CDC16: variants seen among roughly 807,000 people sequenced by gnomAD.
CDC16 encodes cell division cycle 16, also known as cell division cycle protein 16 homolog.
Under a neutral mutation model 87.0 loss-of-function variants are expected in CDC16, and 34 were observed. The ratio of observed to expected loss-of-function variants is 0.39; its 90% CI spans 0.30 to 0.52. CDC16 has a LOEUF of 0.52. CDC16 is among the 20% of genes least tolerant of loss of function. The pLI is 0.74. For missense variants in CDC16, 653 were observed against 751.9 expected (o/e 0.87, Z 1.54); for synonymous variants, 263 against 260.6 (o/e 1.01, Z -0.09).
intron 17 of CDC16, among the ~76,000 whole-genome samples, chr13:114,270,636 T>C (rs1474309437): frequency 6.6e-6 from 1 of 152,222 alleles, no homozygotes; most frequent in African/African-American, 2.4e-5. Flanking sequence ...CTGGGATGCA[T>C]GTACATAGGG....
At chr13:114,243,712 A>G in intron 7 of CDC16, 144 bp from the exon 8 acceptor site, 2 of 618,506 alleles carry the variant, frequency 3.2e-6, no homozygotes, top group East Asian at 2.9e-5. Context: ...AGGAGTACTT[A>G]TAAAACCTAA....
rs747051506 is a variant in CDC16, at chr13:114,242,156, C to A, written c.417C>A (p.Ile139=). The A allele has an allele frequency of 6.2e-7, 1 of 1,612,342 alleles. No individual in the cohort carries two copies. The highest frequency in any genetic ancestry group is 2.2e-5 in the East Asian group (1 of 44,876). Residue 139 remains isoleucine, a synonymous_variant, in exon 6 of 18, where the codon ATC becomes ATA. Coordinates refer to ENST00000356221, the MANE Select transcript of CDC16 (RefSeq NM_001078645.3). Reference sequence around the variant, plus strand: ...CTATCTGTCTTCTACGCGGGAAAATCTATGATGCTCTAGATAACCGAACCC... The same window carrying A: ...CTATCTGTCTTCTACGCGGGAAAATATATGATGCTCTAGATAACCGAACCC... ...KSSICLLRGK[I]YDALDNRTLA...
At chr13:114,246,161 A>C in intron 10 of CDC16, 112 bp downstream of exon 10, 1 of 550,650 alleles carries the variant, frequency 1.8e-6, no homozygotes, top group South Asian at 2.5e-5. Flanking sequence ...TGTTTTATTA[A>C]AGTGTTGCAA....
intron 17 of CDC16, 89 bp downstream of exon 17, chr13:114,265,329 G>A: frequency 1.2e-6 from 1 of 835,670 alleles, no homozygotes; most frequent in Non-Finnish European, 2.0e-6. Context: ...TCTCGTCTGA[G>A]GTTCCAAGTT....
intron 15 of CDC16, among the ~76,000 whole-genome samples, chr13:114,262,269 C>T (rs1421325383): frequency 6.6e-6 from 1 of 152,056 alleles, no homozygotes; most frequent in Non-Finnish European, 1.5e-5. Context: ...GATAAACAGG[C>T]GACAGTTGAA....
intron 5 of CDC16, 144 bp from the exon 6 acceptor site, chr13:114,241,977 A>G: frequency 4.8e-6 from 4 of 840,864 alleles, no homozygotes. Flanking sequence ...TTGAGATCAT[A>G]GGAGTTCAAG....
intron 11 of CDC16, among the ~76,000 whole-genome samples, chr13:114,248,234 C>T (rs2081973857): frequency 1.3e-5 from 2 of 152,198 alleles, no homozygotes; most frequent in South Asian, 2.1e-4. Flanking sequence ...GTTCTAATTT[C>T]TGTGGTTTCT....
intron 17 of CDC16, among the ~76,000 whole-genome samples, chr13:114,267,342 C>CAA (rs112712900): frequency 1.5e-4 from 22 of 150,448 alleles, no homozygotes; most frequent in African/African-American, 2.9e-4. Flanking sequence ...CAAAACAATA[C>CAA]AAAAAAAAAC....
In CDC16 at chr13:114,238,515, T is replaced by G. The variant is rs1350021738; in HGVS notation, c.202-475T>G. ...AGGGCCTGAAGTGGAGCTGCTGCGATCTCCTCGGACGCCCAGCAGTTATTC... is the reference window on the plus strand; with the variant it reads ...AGGGCCTGAAGTGGAGCTGCTGCGAGCTCCTCGGACGCCCAGCAGTTATTC... On this transcript the variant is annotated intron_variant, in intron 3 of 17. Coordinates refer to ENST00000356221, the MANE Select transcript of CDC16 (RefSeq NM_001078645.3). 3.3e-4 allele frequency among the ~76,000 whole-genome samples: 43 copies of G among 130,138 alleles called. 1 individual carries two copies. Among genetic ancestry groups the G allele is most frequent in the African/African-American group, 8.5e-4 (29 of 34,166 alleles). 85.4% of individuals were successfully genotyped at this position (130,138 alleles called of 152,430 possible). A position where few individuals can be genotyped will look rare whatever the true frequency, so the allele number is the denominator to read the frequency against.
intron 11 of CDC16, among the ~76,000 whole-genome samples, chr13:114,247,437 A>G (rs955719841): frequency 1.3e-5 from 2 of 151,040 alleles, no homozygotes; most frequent in African/African-American, 4.9e-5. Flanking sequence ...GAAAGTGTTG[A>G]GATGACAGGC....
chr13:114,261,311 A>G (rs917198580), intron 14 of CDC16, among the ~76,000 whole-genome samples: 1 of 152,018 alleles, frequency 6.6e-6, no homozygotes, highest in African/African-American at 2.4e-5. Context: ...GAAGGAAACA[A>G]CCCGGTCAGA....
At chr13:114,249,689 G>A (rs936221014) in intron 11 of CDC16, among the ~76,000 whole-genome samples, 2 of 152,058 alleles carry the variant, frequency 1.3e-5, no homozygotes, top group Non-Finnish European at 2.9e-5. Flanking sequence ...ATAGGATATC[G>A]CCTAATCCCT....
intron 17 of CDC16, among the ~76,000 whole-genome samples, chr13:114,270,606 G>A (rs1406646825): frequency 2.0e-5 from 3 of 152,248 alleles, no homozygotes; most frequent in Non-Finnish European, 2.9e-5. Context: ...TGTGTTCTGT[G>A]CCATTCTGGC....
Position 114,272,505 on chromosome 13 carries a change from C to G in CDC16, c.*62C>G. 6.9e-7 allele frequency: 1 copy of G among 1,448,602 alleles called. No individual in the cohort carries two copies. The allele number at this position is 1,448,602 out of a possible 1,614,324, so 89.7% of individuals were successfully genotyped here. Reference sequence around the variant, plus strand: ...AGGTTAGTATTCCTTCACATCCTCTCCATGGCTTAAGAATGTCCCACTTCC... The same window carrying G: ...AGGTTAGTATTCCTTCACATCCTCTGCATGGCTTAAGAATGTCCCACTTCC... On this transcript the variant is annotated 3_prime_UTR_variant, in exon 18 of 18. Transcript: ENST00000356221.
chr13:114,243,325 C>G lies in CDC16; in HGVS notation c.610C>G (p.Leu204Val), dbSNP rs146037714. ...CNEEQELLRF[L>V]FENKLKKYNK... The stretch of plus-strand genomic sequence containing the variant: ...TGAAGAACAGGAATTGCTGCGTTTT[C>G]TATTTGAGAACAAATTGAAAAAAGT... The change falls in exon 7 of 18, where the codon CTA becomes GTA. Residue 204 changes from leucine to valine, a missense_variant. Coordinates refer to ENST00000356221, the MANE Select transcript of CDC16 (RefSeq NM_001078645.3). The G allele has an allele frequency of 2.5e-6, 4 of 1,569,912 alleles. No homozygotes were observed. The highest frequency in any genetic ancestry group is 3.5e-6 in the Non-Finnish European group (4 of 1,140,294).
chr13:114,236,983 C>G (rs2081284286), intron 3 of CDC16, 87 bp downstream of exon 3: 3 of 783,000 alleles, frequency 3.8e-6, no homozygotes, highest in Non-Finnish European at 5.8e-6. Flanking sequence ...CACCTGTAAT[C>G]CCAGCGCTTT....
chr13:114,239,630 C>G, intron 5 of CDC16, 140 bp downstream of exon 5: 1 of 1,235,780 alleles, frequency 8.1e-7, no homozygotes, highest in African/African-American at 1.6e-5. Context: ...CCCACCAAAA[C>G]CAAAAAAGAT....
intron 17 of CDC16, among the ~76,000 whole-genome samples, chr13:114,268,134 A>AGG (rs535209578): frequency 6.6e-6 from 1 of 151,878 alleles, no homozygotes; most frequent in African/African-American, 2.4e-5. Context: ...GAAAAGGGAA[A>AGG]GGGGGGGGAG....
In CDC16 at chr13:114,243,882, C is replaced by G. The variant is rs1490971444; in HGVS notation, c.660C>G (p.Ile220Met). ...ATAATAAGCCTAGTGAAACGGTCAT[C>G]CCTGAATCTGTAGATGGCTTGCAAG... ...KKYNKPSETVIPESVDGLQEN... is the reference protein window; with the variant it reads ...KKYNKPSETVMPESVDGLQEN... The change falls in exon 8 of 18, where the codon ATC (isoleucine) becomes ATG (methionine). Residue 220 changes from isoleucine (I) to methionine (M), a missense_variant. Coordinates refer to ENST00000356221, the MANE Select transcript of CDC16 (RefSeq NM_001078645.3). 6.2e-7 allele frequency: 1 copy of G among 1,610,164 alleles called. No homozygotes were observed. The highest frequency in any genetic ancestry group is 1.3e-5 in the African/African-American group (1 of 74,956).
Sources: gnomAD v4.1 joint callset for allele counts (sites outside exome capture counted in the v4.1 genomes callset) on GRCh38, gnomAD v4.1.1 for gene constraint, MANE v1.5 for transcripts, NCBI Gene and HGNC (gene_info 2026-07-23, HGNC 2026-07-21) for gene names.